Variants in FNDC1 observed in about 807,000 individuals in gnomAD.
FNDC1 encodes the protein fibronectin type III domain-containing protein 1.
FNDC1 carries 96 observed loss-of-function variants against 168.0 expected under a neutral mutation model. The observed-to-expected ratio is 0.57, with a 90% confidence interval of 0.48 to 0.68. The LOEUF is 0.68. FNDC1 is among the 30% of genes least tolerant of loss of function. The pLI, the probability that FNDC1 is intolerant of heterozygous loss-of-function variation, is 0.00. For synonymous variants in FNDC1, 1,099 were observed against 1,025.9 expected (o/e 1.07, Z -1.36); for missense variants, 2,587 against 2,482.1 (o/e 1.04, Z -0.90).
chr6:159,192,684 G>T (rs1782165462), intron 1 of FNDC1, among the ~76,000 whole-genome samples: 1 of 152,162 alleles, frequency 6.6e-6, no homozygotes. Flanking sequence ...AGGGAATATT[G>T]GTCTGGAATG....
At chr6:159,238,946 G>T (rs775791674) in intron 13 of FNDC1, among the ~76,000 whole-genome samples, 1 of 152,192 alleles carries the variant, frequency 6.6e-6, no homozygotes, top group Non-Finnish European at 1.5e-5. Flanking sequence ...CCTGTAGGTT[G>T]TAGCCCACTA....
In FNDC1 at chr6:159,271,352, G is replaced by T; in HGVS notation, c.5595G>T (p.Glu1865Asp). ...IQGYYRQYRQ[E>D]PVRFGNIGFG... is the part of the protein sequence containing the mutation. ...GCTACTATCGCCAGTATCGTCAGGA[G>T]CCTGTCAGGTTTGGGAACATCGGCT... is the stretch of plus-strand genomic sequence containing the variant. The change falls in exon 23 of 23, where the codon GAG becomes GAT. Residue 1865 changes from glutamate to aspartate, a missense_variant. Coordinates refer to ENST00000297267, the MANE Select transcript of FNDC1 (RefSeq NM_032532.3). The T allele has an allele frequency of 6.2e-7, 1 of 1,611,512 alleles. No homozygotes were observed. The highest frequency in any genetic ancestry group is 8.5e-7 in the Non-Finnish European group (1 of 1,178,918).
intron 6 of FNDC1, among the ~76,000 whole-genome samples, chr6:159,222,655 G>T (rs1583883526): frequency 1.3e-5 from 2 of 152,270 alleles, no homozygotes; most frequent in East Asian, 3.9e-4. Flanking sequence ...TAAGAAATTG[G>T]CAAACTGACT....
chr6:159,227,120 A>G (rs1782970136), intron 9 of FNDC1, among the ~76,000 whole-genome samples: 1 of 152,258 alleles, frequency 6.6e-6, no homozygotes, highest in Non-Finnish European at 1.5e-5. Context: ...TTTAAAGAAT[A>G]AAAATAGAGT....
At position 159,268,001 on chromosome 6, in the gene FNDC1, G is replaced by A. The variant is rs1214048830; in HGVS notation, c.5569+75G>A. On this transcript the variant is annotated intron_variant, in intron 22 of 22. Coordinates refer to ENST00000297267, the MANE Select transcript of FNDC1 (RefSeq NM_032532.3). ...GATTAATAGAGGGGGAAAATCCACA[G>A]TAGGTCTGCCTTTGCCTTGTCATTC... 6 of 1,492,912 alleles carry A rather than the reference G, an allele frequency of 4.0e-6. No individual in the cohort carries two copies. The African/African-American group carries it at 5.6e-5, about 14-fold the overall frequency. The allele number at this position is 1,492,912 out of a possible 1,614,324, so 92.5% of individuals were successfully genotyped here. A position where few individuals can be genotyped will look rare whatever the true frequency, so the allele number is the denominator to read the frequency against.
At position 159,197,682 on chromosome 6, in the gene FNDC1, A is replaced by G. The variant is rs1420654476; in HGVS notation, c.304+57A>G. ...GAATTAACTGTGCACCAACATTCTC[A>G]GTTGCATTCTTAGGATGACTGTGAG... On this transcript the variant is annotated intron_variant, in intron 2 of 22. Transcript: ENST00000297267. 3.4e-6 allele frequency: 5 copies of G among 1,477,680 alleles called. No individual in the cohort carries two copies. In the East Asian group the frequency reaches 9.3e-5, roughly 28 times the overall value. The allele number at this position is 1,477,680 out of a possible 1,614,324, so 91.5% of individuals were successfully genotyped here.
At chr6:159,181,222 C>G (rs1012262743) in intron 1 of FNDC1, among the ~76,000 whole-genome samples, 1 of 152,206 alleles carries the variant, frequency 6.6e-6, no homozygotes, top group Non-Finnish European at 1.5e-5. Context: ...TTGCATTTCT[C>G]TAATGATCAG....
chr6:159,177,632 G>A (rs1781791797), intron 1 of FNDC1, among the ~76,000 whole-genome samples: 1 of 152,134 alleles, frequency 6.6e-6, no homozygotes, highest in Admixed American at 6.5e-5. Flanking sequence ...GTGCTCTGGG[G>A]GATGGTGGGG....
Position 159,234,287 on chromosome 6 carries a change from T to G in FNDC1, c.3775T>G (p.Ser1259Ala), listed in dbSNP as rs1783194086. ...GSSPRASHVP[S>A]RLPPRSAATV... ...CTCCCCCAGGGCCTCCCACGTCCCT[T>G]CCCGACTGCCGCCTCGCAGCGCTGC... Residue 1259 changes from serine (S) to alanine (A), a missense_variant, in exon 11 of 23, where the codon TCC becomes GCC. Coordinates refer to ENST00000297267, the MANE Select transcript of FNDC1 (RefSeq NM_032532.3). 1 of 1,601,260 alleles carries G rather than the reference T, an allele frequency of 6.2e-7. No homozygotes were observed. Among genetic ancestry groups the G allele is most frequent in the African/African-American group, 1.3e-5 (1 of 74,450 alleles).
intron 16 of FNDC1, among the ~76,000 whole-genome samples, chr6:159,250,547 A>G (rs1777231242): frequency 6.6e-6 from 1 of 152,158 alleles, no homozygotes; most frequent in Non-Finnish European, 1.5e-5. Context: ...GTGGGATATA[A>G]TAGAAAGAGT....
At chr6:159,186,800 G>A (rs1411886895) in intron 1 of FNDC1, among the ~76,000 whole-genome samples, 1 of 152,202 alleles carries the variant, frequency 6.6e-6, no homozygotes, top group Non-Finnish European at 1.5e-5. Flanking sequence ...TTTAAGGATT[G>A]GCCAATGTTT....
At position 159,233,205 on chromosome 6, in the gene FNDC1, C is replaced by T; in HGVS notation, c.2693C>T (p.Ser898Phe). ...TVVNDHVPSS[S>F]RQPISRGWED... ...GTCAATGACCACGTGCCTTCCTCCT[C>T]CAGGCAGCCCATCTCCCGGGGCTGG... The change falls in exon 11 of 23, where the codon TCC (serine) becomes TTC (phenylalanine). Residue 898 changes from serine (S) to phenylalanine (F), a missense_variant. Transcript: ENST00000297267. This position sits in a 1 kb window ranked among gnomAD's most constrained non-coding sequence, Gnocchi z 4.6. 2 of 1,613,042 alleles carry T rather than the reference C, an allele frequency of 1.2e-6. No individual in the cohort carries two copies. Among genetic ancestry groups the T allele is most frequent in the South Asian group, 1.1e-5 (1 of 90,824 alleles).
intron 1 of FNDC1, among the ~76,000 whole-genome samples, chr6:159,182,707 A>G (rs1781907408): frequency 6.6e-6 from 1 of 152,232 alleles, no homozygotes; most frequent in Non-Finnish European, 1.5e-5. Context: ...CTTTCTTAGT[A>G]ACTCTATGTC....
intron 8 of FNDC1, among the ~76,000 whole-genome samples, chr6:159,225,959 G>A (rs1782947684): frequency 6.6e-6 from 1 of 152,134 alleles, no homozygotes; most frequent in Non-Finnish European, 1.5e-5. Flanking sequence ...TGTTCATGTT[G>A]TTCTGACATG....
Position 159,231,626 on chromosome 6 carries a change from G to A in FNDC1, c.1370-256G>A, listed in dbSNP as rs377300064. On this transcript the variant is annotated intron_variant, in intron 10 of 22. Coordinates refer to ENST00000297267, the MANE Select transcript of FNDC1 (RefSeq NM_032532.3). Reference sequence around the variant, plus strand: ...GAATTTCTTCAAATAATAAGATGTGGCATAACCTGGTTCAATAGAGATTCA... The same window carrying A: ...GAATTTCTTCAAATAATAAGATGTGACATAACCTGGTTCAATAGAGATTCA... Among the ~76,000 whole-genome samples, 85 of 152,270 alleles carry A rather than the reference G, an allele frequency of 5.6e-4. 1 individual carries two copies. The East Asian group carries it at 0.012, about 21-fold the overall frequency.
chr6:159,188,195 G>T (rs1009653260), intron 1 of FNDC1, among the ~76,000 whole-genome samples: 1 of 152,110 alleles, frequency 6.6e-6, no homozygotes, highest in Non-Finnish European at 1.5e-5. Context: ...CAGCATTTTT[G>T]GGGTTTTATT....
intron 21 of FNDC1, 67 bp downstream of exon 21, chr6:159,266,312 G>A: frequency 2.6e-6 from 4 of 1,539,788 alleles, no homozygotes; most frequent in Non-Finnish European, 3.6e-6. Context: ...TACAAACTTG[G>A]CACCACAGGT....
rs1444598918 is a variant in FNDC1 at position 159,239,907 on chromosome 6, G to A, written c.4571G>A (p.Gly1524Asp). 3.3e-6 allele frequency: 5 copies of A among 1,524,270 alleles called. No individual in the cohort carries two copies. Among genetic ancestry groups the A allele is most frequent in the Non-Finnish European group, 4.4e-6 (5 of 1,131,690 alleles). The allele number at this position is 1,524,270 out of a possible 1,614,324, so 94.4% of individuals were successfully genotyped here. Residue 1524 changes from glycine to aspartate, a missense_variant, in exon 14 of 23, where the codon GGC becomes GAC. Gly to Asp is a moderately conservative substitution (Grantham distance 94, BLOSUM62 -1). Transcript: ENST00000297267. ...ACCTTGGAACGGCACGACGATGATG[G>A]CAACCTGATAATGAGCTCCAATGGG... ...PGTLERHDDD[G>D]NLIMSSNGIP...
intron 4 of FNDC1, among the ~76,000 whole-genome samples, chr6:159,201,149 A>G (rs1193577139): frequency 2.0e-5 from 3 of 152,240 alleles, no homozygotes; most frequent in African/African-American, 7.2e-5. Flanking sequence ...GTGTTTCTTG[A>G]ATATATTTAA....
Sources: allele counts gnomAD v4.1 joint callset (sites outside exome capture counted in the v4.1 genomes callset), GRCh38; gene constraint gnomAD v4.1.1; non-coding constraint Gnocchi (gnomAD v3.1); transcripts MANE v1.5; gene names NCBI Gene and HGNC (gene_info 2026-07-23, HGNC 2026-07-21).